The following CNTNAP2 variants were observed in gnomAD, a reference collection of about 807,000 sequenced individuals.
CNTNAP2 encodes contactin associated protein 2, also known as contactin-associated protein-like 2.
In CNTNAP2, 98 loss-of-function variants were observed where a neutral mutation model predicts 155.2. The observed-to-expected ratio is 0.63, with a 90% CI of 0.54 to 0.75. The LOEUF (loss-of-function observed/expected upper bound fraction) is 0.75, where lower values mean the gene tolerates loss of function less well. CNTNAP2 is among the 30% of genes least tolerant of loss of function. CNTNAP2 has a pLI of 0.00. For synonymous variants in CNTNAP2, 651 were observed against 631.2 expected, an observed-to-expected ratio of 1.03 and a Z score of -0.47; for missense variants, 1,727 against 1,688.1, an observed-to-expected ratio of 1.02 and a Z score of -0.40.
chr7:147,361,754 T>A (rs1279312587), intron 9 of CNTNAP2, among the ~76,000 whole-genome samples: 1 of 152,178 alleles, frequency 6.6e-6, no homozygotes, highest in Non-Finnish European at 1.5e-5. Context: ...ATAAACTTAC[T>A]CAATAAGATA....
intron 20 of CNTNAP2, 133 bp downstream of exon 20, chr7:148,229,912 G>T: frequency 1.0e-6 from 1 of 953,896 alleles, no homozygotes; most frequent in East Asian, 2.6e-5. Flanking sequence ...TCCTACAAGT[G>T]CATAACTAGT....
chr7:147,905,356 C>T (rs1799941662), intron 14 of CNTNAP2, among the ~76,000 whole-genome samples: 1 of 152,184 alleles, frequency 6.6e-6, no homozygotes, highest in South Asian at 2.1e-4. Flanking sequence ...CCTTGTCCCA[C>T]CACAGAGGAG....
intron 3 of CNTNAP2, among the ~76,000 whole-genome samples, chr7:147,004,212 C>CAAAAAAAAAAAAAAAA (rs71525979): frequency 3.0e-4 from 29 of 97,676 alleles, no homozygotes; most frequent in African/African-American, 8.2e-4. Flanking sequence ...ACTCATATAC[C>CAAAAAAAAAAAAAAAA]AAAAAAAAAA....
At chr7:147,032,873 A>C (rs1292212824) in intron 3 of CNTNAP2, among the ~76,000 whole-genome samples, 1 of 152,036 alleles carries the variant, frequency 6.6e-6, no homozygotes, top group African/African-American at 2.4e-5. Context: ...CCACTTGTTG[A>C]GTAGGCTGAG....
At chr7:146,963,329 G>A (rs530293735) in intron 3 of CNTNAP2, among the ~76,000 whole-genome samples, 10 of 151,998 alleles carry the variant, frequency 6.6e-5, no homozygotes, top group Non-Finnish European at 1.5e-4. Context: ...TAATTCTTTT[G>A]TCTCAAATGT....
intron 16 of CNTNAP2, among the ~76,000 whole-genome samples, chr7:148,124,580 C>T (rs1804673471): frequency 6.6e-6 from 1 of 152,114 alleles, no homozygotes; most frequent in Non-Finnish European, 1.5e-5. Context: ...CATCCACCTC[C>T]TAGTGAAGGA....
At chr7:146,342,002 T>C (rs529775282) in intron 1 of CNTNAP2, among the ~76,000 whole-genome samples, 1 of 152,320 alleles carries the variant, frequency 6.6e-6, no homozygotes, top group South Asian at 2.1e-4. Context: ...TTGAATTTTA[T>C]TGATTGTAAG....
At chr7:146,733,880 GTTC>G (rs1801568080) in intron 1 of CNTNAP2, among the ~76,000 whole-genome samples, 1 of 152,086 alleles carries the variant, frequency 6.6e-6, no homozygotes, top group Non-Finnish European at 1.5e-5. Flanking sequence ...GAGTTTCATA[GTTC>G]TTTTTCTGTT....
intron 1 of CNTNAP2, among the ~76,000 whole-genome samples, chr7:146,525,251 T>C (rs1437483676): frequency 6.6e-6 from 1 of 152,110 alleles, no homozygotes; most frequent in Non-Finnish European, 1.5e-5. Context: ...TGAAAAGCAC[T>C]AATTGTCAGA....
At chr7:147,427,160 G>A (rs1195619240) in intron 10 of CNTNAP2, among the ~76,000 whole-genome samples, 1 of 152,088 alleles carries the variant, frequency 6.6e-6, no homozygotes, top group South Asian at 2.1e-4. Flanking sequence ...AGGATGGCCT[G>A]GAGAAAGAGA....
chr7:147,731,888 G>A (rs754800373), intron 13 of CNTNAP2, among the ~76,000 whole-genome samples: 2 of 152,162 alleles, frequency 1.3e-5, no homozygotes, highest in Non-Finnish European at 2.9e-5. Context: ...CAAGACTCCA[G>A]TGGTGGAAGT....
intron 1 of CNTNAP2, among the ~76,000 whole-genome samples, chr7:146,709,287 TTTCTC>T (rs1554470714): frequency 2.0e-5 from 3 of 152,036 alleles, no homozygotes; most frequent in Non-Finnish European, 4.4e-5. Flanking sequence ...TTTATGAACT[TTTCTC>T]TTCACTGTAC....
intron 13 of CNTNAP2, among the ~76,000 whole-genome samples, chr7:147,740,994 A>C (rs141231888): frequency 2.0e-5 from 3 of 152,184 alleles, no homozygotes; most frequent in African/African-American, 4.8e-5. Flanking sequence ...CCCACCCCCA[A>C]TGGTCATTGG....
intron 8 of CNTNAP2, among the ~76,000 whole-genome samples, chr7:147,202,461 A>G (rs1802940856): frequency 6.7e-6 from 1 of 150,174 alleles, no homozygotes; most frequent in African/African-American, 2.5e-5. Context: ...AAAATAAAAT[A>G]AAAAAACATT....
chr7:146,154,869 CAG>C (rs1242074708), intron 1 of CNTNAP2, among the ~76,000 whole-genome samples: 1 of 152,152 alleles, frequency 6.6e-6, no homozygotes, highest in Non-Finnish European at 1.5e-5. Context: ...AGAGCCAAAA[CAG>C]AGAGTTTTAT....
At chr7:147,527,718 C>A (rs938490841) in intron 11 of CNTNAP2, among the ~76,000 whole-genome samples, 1 of 152,136 alleles carries the variant, frequency 6.6e-6, no homozygotes, top group African/African-American at 2.4e-5. Context: ...AGATGTGAGC[C>A]GTGTAACTAT....
At chr7:147,104,469 A>G (rs547221791) in intron 4 of CNTNAP2, among the ~76,000 whole-genome samples, 21 of 152,012 alleles carry the variant, frequency 1.4e-4, no homozygotes, top group African/African-American at 5.1e-4. Context: ...CAAATAGTAT[A>G]TTATCATTGG....
intron 3 of CNTNAP2, among the ~76,000 whole-genome samples, chr7:146,855,426 CTATCTT>C (rs925601351): frequency 1.4e-4 from 21 of 152,164 alleles, no homozygotes; most frequent in Middle Eastern, 3.4e-3. Flanking sequence ...ATATTGGAAA[CTATCTT>C]TATGATCAAA....
Position 146,507,432 on chromosome 7 carries a change from G to A in CNTNAP2, c.98-266839G>A, listed in dbSNP as rs1018406269. ...TATGGCCCATTTGGCTGCCAGAAAA[G>A]CCATCTCAGCCTCATTGTCCCAATC... On this transcript the variant is annotated intron_variant, in intron 1 of 23. Coordinates refer to ENST00000361727, the MANE Select transcript of CNTNAP2 (RefSeq NM_014141.6). Among the ~76,000 whole-genome samples, 39 of 152,170 alleles carry A rather than the reference G, an allele frequency of 2.6e-4. 1 individual carries two copies. Among genetic ancestry groups the A allele is most frequent in the African/African-American group, 8.7e-4 (36 of 41,448 alleles).
Sources: gnomAD v4.1 joint callset for allele counts (sites outside exome capture counted in the v4.1 genomes callset) on GRCh38, gnomAD v4.1.1 for gene constraint, MANE v1.5 for transcripts, NCBI Gene and HGNC (gene_info 2026-07-23, HGNC 2026-07-21) for gene names.